Variants in ATP6V0E1 observed in about 807,000 individuals in gnomAD.
ATP6V0E1 encodes ATPase H+ transporting V0 subunit e1, also known as V-type proton ATPase subunit e 1.
Under a neutral mutation model 11.6 loss-of-function variants are expected in ATP6V0E1, and 4 were observed. That is an observed-to-expected ratio of 0.35 (90% CI 0.17 to 0.79). The LOEUF is 0.79. ATP6V0E1 is among the 30% of genes least tolerant of loss of function. ATP6V0E1 has a pLI of 0.54. For missense variants in ATP6V0E1, 105 were observed against 100.0 expected (o/e 1.05, Z -0.21); for synonymous variants, 36 against 34.8 (o/e 1.04, Z -0.13).
chr5:173,018,074 C>T (rs1756430567), intron 2 of ATP6V0E1, among the ~76,000 whole-genome samples: 1 of 152,016 alleles, frequency 6.6e-6, no homozygotes, highest in Non-Finnish European at 1.5e-5. Flanking sequence ...TTAGAGGTTC[C>T]GATCCCCTGC....
intron 2 of ATP6V0E1, among the ~76,000 whole-genome samples, chr5:173,006,079 G>A (rs1756225438): frequency 2.0e-5 from 3 of 152,112 alleles, no homozygotes. Context: ...GTTGGTTGTA[G>A]TATTCTATAT....
At chr5:173,013,574 CA>C (rs35084966) in intron 2 of ATP6V0E1, among the ~76,000 whole-genome samples, 1,133 of 61,604 alleles carry the variant, frequency 0.018, 2 homozygotes, top group South Asian at 0.063. Context: ...GACTCCATCT[CA>C]AAAAAAAAAA....
intron 1 of ATP6V0E1, among the ~76,000 whole-genome samples, chr5:172,990,337 C>T (rs1255859930): frequency 2.0e-5 from 3 of 152,112 alleles, no homozygotes; most frequent in Non-Finnish European, 2.9e-5. Context: ...CTCATGATTT[C>T]CCTCTTTTCT....
At chr5:172,995,112 T>C (rs1322407113) in intron 2 of ATP6V0E1, among the ~76,000 whole-genome samples, 1 of 152,248 alleles carries the variant, frequency 6.6e-6, no homozygotes, top group African/African-American at 2.4e-5. Context: ...TACTTATTTA[T>C]TTATCTTTTG....
intron 1 of ATP6V0E1, among the ~76,000 whole-genome samples, chr5:172,993,101 A>G (rs1305449126): frequency 6.6e-6 from 1 of 152,182 alleles, no homozygotes; most frequent in African/African-American, 2.4e-5. Context: ...CCCGGCCACA[A>G]GGCAGTGGTT....
At chr5:173,026,404 G>C (rs1756558809) in intron 3 of ATP6V0E1, among the ~76,000 whole-genome samples, 1 of 152,080 alleles carries the variant, frequency 6.6e-6, no homozygotes, top group Non-Finnish European at 1.5e-5. Flanking sequence ...TTTATTTGCT[G>C]CTGTTTTTTG....
intron 3 of ATP6V0E1, among the ~76,000 whole-genome samples, chr5:173,030,767 G>GTTT (rs1756637027): frequency 3.3e-5 from 5 of 151,586 alleles, no homozygotes; most frequent in African/African-American, 1.2e-4. Context: ...TTGTTTGTTT[G>GTTT]AGATGGAATC....
At chr5:173,024,657 G>A (rs1756529311) in intron 3 of ATP6V0E1, among the ~76,000 whole-genome samples, 2 of 152,160 alleles carry the variant, frequency 1.3e-5, no homozygotes, top group South Asian at 4.1e-4. Context: ...TAAGAATCAC[G>A]ATCGGAGTGC....
At chr5:173,032,259 TTA>T (rs1277379787) in intron 3 of ATP6V0E1, among the ~76,000 whole-genome samples, 3,585 of 116,740 alleles carry the variant, frequency 0.031, 129 homozygotes, top group African/African-American at 0.1. Context: ...TTTTATTTAT[TTA>T]TTTATTTATT....
At chr5:173,006,157 A>G (rs1344110505) in intron 2 of ATP6V0E1, among the ~76,000 whole-genome samples, 1 of 152,020 alleles carries the variant, frequency 6.6e-6, no homozygotes, top group Non-Finnish European at 1.5e-5. Context: ...TTTATCTACT[A>G]CTTTTAATTA....
At chr5:173,001,342 A>G (rs1756149778) in intron 2 of ATP6V0E1, among the ~76,000 whole-genome samples, 1 of 151,578 alleles carries the variant, frequency 6.6e-6, no homozygotes, top group East Asian at 1.9e-4. Context: ...TCCCCCATCC[A>G]CTCATTTCCA....
At chr5:172,986,602 T>A in intron 1 of ATP6V0E1, 1 of 381,048 alleles carries the variant, frequency 2.6e-6, no homozygotes, top group Non-Finnish European at 5.1e-6. Context: ...TACTCCAGCC[T>A]GGGCAACAGT....
intron 2 of ATP6V0E1, among the ~76,000 whole-genome samples, chr5:173,012,154 C>T (rs1327501347): frequency 6.6e-6 from 1 of 151,752 alleles, no homozygotes; most frequent in Non-Finnish European, 1.5e-5. Context: ...GCCTCAGCCT[C>T]CCGAGTAGCT....
At chr5:172,992,635 T>C (rs960510116) in intron 1 of ATP6V0E1, among the ~76,000 whole-genome samples, 1 of 152,170 alleles carries the variant, frequency 6.6e-6, no homozygotes, top group Admixed American at 6.6e-5. Context: ...CTCCAACCCC[T>C]GGTAGACCCC....
intron 2 of ATP6V0E1, among the ~76,000 whole-genome samples, chr5:173,002,846 A>G (rs915596996): frequency 1.3e-5 from 2 of 151,458 alleles, no homozygotes; most frequent in African/African-American, 4.9e-5. Flanking sequence ...CCATAGGGAA[A>G]TTGGAGGGAG....
At chr5:172,995,572 C>T (rs1293643829) in intron 2 of ATP6V0E1, among the ~76,000 whole-genome samples, 1 of 152,108 alleles carries the variant, frequency 6.6e-6, no homozygotes, top group East Asian at 1.9e-4. Flanking sequence ...TAAGCTGTAT[C>T]AAAATATATG....
At chr5:173,001,580 C>T (rs1756153820) in intron 2 of ATP6V0E1, among the ~76,000 whole-genome samples, 3 of 152,316 alleles carry the variant, frequency 2.0e-5, no homozygotes, top group South Asian at 2.1e-4. Context: ...GGCCTGGGTG[C>T]ACCGCTTTGG....
At chr5:173,020,904 T>C (rs2113608317) in intron 3 of ATP6V0E1, 1 of 519,968 alleles carries the variant, frequency 1.9e-6, no homozygotes, top group Non-Finnish European at 3.8e-6. Context: ...TTTGGCTGCT[T>C]AGTTCTAGTC....
At chr5:173,003,850 A>C (rs1756191655) in intron 2 of ATP6V0E1, among the ~76,000 whole-genome samples, 1 of 152,144 alleles carries the variant, frequency 6.6e-6, no homozygotes, top group Non-Finnish European at 1.5e-5. Context: ...AACTTAGCTA[A>C]AGCAGAGAGA....
Sources: gnomAD v4.1 joint callset for allele counts (sites outside exome capture counted in the v4.1 genomes callset) on GRCh38, gnomAD v4.1.1 for gene constraint, MANE v1.5 for transcripts, NCBI Gene and HGNC (gene_info 2026-07-23, HGNC 2026-07-21) for gene names.